The following ARHGAP22 variants were observed in gnomAD, a reference collection of about 807,000 sequenced individuals.
ARHGAP22 encodes rho GTPase-activating protein 22.
Under a neutral mutation model 59.1 loss-of-function variants are expected in ARHGAP22, and 48 were observed. The observed-to-expected ratio is 0.81, with a 90% CI of 0.64 to 1.03. The LOEUF is 1.03. ARHGAP22 is among the 50% of genes least tolerant of loss of function. The pLI, the probability that ARHGAP22 is intolerant of heterozygous loss-of-function variation, is 0.00. For synonymous variants in ARHGAP22, 445 were observed against 416.4 expected (o/e 1.07, Z -0.84); for missense variants, 1,015 against 958.7 (o/e 1.06, Z -0.78).
chr10:48,435,059 T>TGGGGGGGGGGGGGGGCTG, the ARHGAP22 span: 1 of 448,006 alleles, frequency 2.2e-6, no homozygotes, highest in Non-Finnish European at 4.3e-6. Context: ...GTGGGAGGGA[T>TGGGGGGGGGGGGGGGCTG]GGGGAGTCGG....
At chr10:48,575,129 T>A (rs1809991437) in intron 2 of ARHGAP22, 1 of 152,222 alleles carries the variant, frequency 6.6e-6, no homozygotes, top group Admixed American at 6.5e-5. Flanking sequence ...GCTCTGGCCA[T>A]GTGACATGAC....
intron 1 of ARHGAP22, among the ~76,000 whole-genome samples, chr10:48,598,558 G>A (rs562138732): frequency 6.6e-6 from 1 of 152,254 alleles, no homozygotes; most frequent in African/African-American, 2.4e-5. Flanking sequence ...TTCTCTGCAG[G>A]TGGCAGACGG....
chr10:48,651,394 C>T (rs187092988), intron 1 of ARHGAP22, among the ~76,000 whole-genome samples: 2 of 152,216 alleles, frequency 1.3e-5, no homozygotes, highest in East Asian at 1.9e-4. Context: ...CTGCACAACC[C>T]ATCCAATCAT....
At chr10:48,653,926 G>C (rs573956200), upstream of ARHGAP22, among the ~76,000 whole-genome samples, 1 of 152,176 alleles carries the variant, frequency 6.6e-6, no homozygotes, top group Non-Finnish European at 1.5e-5. Context: ...CATAATACCT[G>C]CTAAAAAGGT....
downstream of ARHGAP22, among the ~76,000 whole-genome samples, chr10:48,443,392 T>C (rs2377351): frequency 0.37 from 56,668 of 152,084 alleles, 10,845 homozygotes; most frequent in South Asian, 0.56. Flanking sequence ...AGGCTTTTCA[T>C]GACCCCATCC....
intron 3 of ARHGAP22, among the ~76,000 whole-genome samples, chr10:48,529,088 C>G (rs7911766): frequency 0.87 from 132,034 of 151,844 alleles, 58,029 homozygotes; most frequent in Non-Finnish European, 0.91. Flanking sequence ...TTACTTGGGT[C>G]AGGGGAGTCA....
rs532731876 is a variant in ARHGAP22, at chr10:48,652,348, C to G, written c.-63G>C. 9.5e-6 allele frequency: 13 copies of G among 1,372,932 alleles called. No individual in the cohort carries two copies. In the Admixed American group the frequency reaches 9.9e-5, roughly 10 times the overall value. The allele number at this position is 1,372,932 out of a possible 1,614,324, so 85.0% of individuals were successfully genotyped here. A position where few individuals can be genotyped will look rare whatever the true frequency, so the allele number is the denominator to read the frequency against. On this transcript the variant is annotated 5_prime_UTR_variant, in exon 1 of 10. Transcript: ENST00000435790. ...CTTTTTATAAAGAACCAACCACATC[C>G]TCAAGCAGACAAGCTAATTCCTGTT...
At chr10:48,563,494 C>T (rs1463987681) in intron 2 of ARHGAP22, among the ~76,000 whole-genome samples, 1 of 152,086 alleles carries the variant, frequency 6.6e-6, no homozygotes, top group Non-Finnish European at 1.5e-5. Flanking sequence ...CTGGCCAATC[C>T]AGCATAATTT....
intron 1 of ARHGAP22, among the ~76,000 whole-genome samples, chr10:48,597,759 G>T (rs1464301802): frequency 6.6e-6 from 1 of 152,204 alleles, no homozygotes; most frequent in African/African-American, 2.4e-5. Flanking sequence ...TTCACCAAGA[G>T]CCTGGGATCG....
In ARHGAP22 at chr10:48,450,403, C is replaced by T; in HGVS notation, c.1726G>A (p.Gly576Ser). ...TCGCTGGGCTCGCTGTTGCTGGCAC[C>T]CGCGCCCGCCTCGTCCATGCTGTGG... ...LDHSMDEAGAGASNSEPSEPD... is the reference protein window; with the variant it reads ...LDHSMDEAGASASNSEPSEPD... The change falls in exon 9 of 10, where the codon GGT (glycine) becomes AGT (serine). Residue 576 changes from glycine to serine, a missense_variant. Transcript: ENST00000249601. The T allele has an allele frequency of 6.4e-7, 1 of 1,569,406 alleles. No homozygotes were observed.
At chr10:48,655,252 TGTGTGG>T (rs1467975832), upstream of ARHGAP22, among the ~76,000 whole-genome samples, 3 of 2,356 alleles carry the variant, frequency 1.3e-3, no homozygotes, top group African/African-American at 3.7e-3. Flanking sequence ...TGTGTGTGTG[TGTGTGG>T]GGGGGGGGGG....
At chr10:48,565,404 C>T (rs1323355243) in intron 2 of ARHGAP22, among the ~76,000 whole-genome samples, 1 of 152,134 alleles carries the variant, frequency 6.6e-6, no homozygotes, top group East Asian at 1.9e-4. Flanking sequence ...TCAGACAGGT[C>T]CTCCACCAAC....
upstream of ARHGAP22, among the ~76,000 whole-genome samples, chr10:48,654,770 ATTAC>A (rs757989200): frequency 3.7e-3 from 508 of 138,178 alleles, no homozygotes; most frequent in Admixed American, 7.7e-3. Flanking sequence ...GGACATGCTG[ATTAC>A]TTTCTTTCTT....
At chr10:48,561,178 C>T (rs1023965057) in intron 2 of ARHGAP22, among the ~76,000 whole-genome samples, 3 of 152,130 alleles carry the variant, frequency 2.0e-5, no homozygotes, top group African/African-American at 7.2e-5. Flanking sequence ...AATAGACCCA[C>T]ATATACCTCC....
downstream of ARHGAP22, chr10:48,445,010 C>T (rs1362118864): frequency 6.6e-6 from 1 of 152,366 alleles, no homozygotes; most frequent in Non-Finnish European, 1.5e-5. Context: ...GCTGAGGGCC[C>T]TGAGCAGGTG....
At chr10:48,435,055 G>GTGGT in the ARHGAP22 span, 1 of 1,375,576 alleles carries the variant, frequency 7.3e-7, no homozygotes. Flanking sequence ...GGGGGTGGGA[G>GTGGT]GGATGGGGAG....
chr10:48,459,671 A>G lies in ARHGAP22; in HGVS notation c.659+13T>C, dbSNP rs755855063. 3.7e-5 allele frequency: 60 copies of G among 1,613,864 alleles called. No homozygotes were observed. Among genetic ancestry groups the G allele is most frequent in the South Asian group, 1.8e-4 (16 of 91,088 alleles). The stretch of plus-strand genomic sequence containing the variant: ...GACAAATGGCTCCACCTTACCCCCG[A>G]TCACAAGCTCACCTGTCAAACAGTG... On this transcript the variant is annotated intron_variant, in intron 5 of 9. Coordinates refer to ENST00000249601, the MANE Select transcript of ARHGAP22 (RefSeq NM_021226.4).
rs777564913 is a variant in ARHGAP22 at position 48,454,076 on chromosome 10, C to A, written c.866+12G>T. 6.2e-7 allele frequency: 1 copy of A among 1,613,598 alleles called. No individual in the cohort carries two copies. Among genetic ancestry groups the A allele is most frequent in the Admixed American group, 1.7e-5 (1 of 60,016 alleles). ...GCAGGAAAGTGTGGTTCCCTCCTGC[C>A]AAGCCGCTTACTTGCAGATGTATCT... is the stretch of plus-strand genomic sequence containing the variant. On this transcript the variant is annotated intron_variant, in intron 7 of 9. Coordinates refer to ENST00000249601, the MANE Select transcript of ARHGAP22 (RefSeq NM_021226.4).
intron 4 of ARHGAP22, among the ~76,000 whole-genome samples, chr10:48,467,034 G>A (rs1412226874): frequency 6.6e-6 from 1 of 152,218 alleles, no homozygotes; most frequent in East Asian, 1.9e-4. Context: ...CTGAGTCTGG[G>A]TCACCCAGCA....
Sources: allele counts gnomAD v4.1 joint callset (sites outside exome capture counted in the v4.1 genomes callset), GRCh38; gene constraint gnomAD v4.1.1; transcripts MANE v1.5; gene names NCBI Gene and HGNC (gene_info 2026-07-23, HGNC 2026-07-21).